The following NFIB variants were observed in gnomAD, a reference collection of about 807,000 sequenced individuals.
NFIB encodes nuclear factor I B.
Under a neutral mutation model 61.5 loss-of-function variants are expected in NFIB, and 11 were observed. The ratio of observed to expected loss-of-function variants is 0.18; its 90% CI spans 0.11 to 0.30. The LOEUF (loss-of-function observed/expected upper bound fraction) is 0.30. NFIB is among the 10% of genes least tolerant of loss of function. The probability of loss-of-function intolerance (pLI) is 1.00; values close to 1 mark genes in which losing one functional copy is unlikely to be tolerated. For synonymous variants in NFIB, 260 were observed against 216.5 expected, an observed-to-expected ratio of 1.20 and a Z score of -1.76; for missense variants, 471 against 608.9, an observed-to-expected ratio of 0.77 and a Z score of 2.38.
At chr9:14,289,309 A>G (rs539571129) in intron 2 of NFIB, among the ~76,000 whole-genome samples, 1 of 151,514 alleles carries the variant, frequency 6.6e-6, no homozygotes, top group Non-Finnish European at 1.5e-5. Flanking sequence ...TGAACTAAAG[A>G]ATCAACAAGC....
intron 2 of NFIB, among the ~76,000 whole-genome samples, chr9:14,279,621 C>T (rs1027936761): frequency 6.6e-6 from 1 of 152,158 alleles, no homozygotes; most frequent in African/African-American, 2.4e-5. Flanking sequence ...CAACTCAAAG[C>T]ACCTAAGATA....
chr9:14,446,193 T>G, the NFIB span, among the ~76,000 whole-genome samples: 1 of 152,212 alleles, frequency 6.6e-6, no homozygotes, highest in Non-Finnish European at 1.5e-5. Context: ...TGTTATGTTT[T>G]CAGTTTCACA....
chr9:14,200,828 G>C (rs192280211), intron 2 of NFIB, among the ~76,000 whole-genome samples: 1 of 152,096 alleles, frequency 6.6e-6, no homozygotes, highest in Admixed American at 6.5e-5. Flanking sequence ...CCCGTTTTTT[G>C]AGAACTCTGT....
intron 2 of NFIB, among the ~76,000 whole-genome samples, chr9:14,263,032 C>A (rs2056910780): frequency 6.6e-6 from 1 of 152,164 alleles, no homozygotes; most frequent in Admixed American, 6.5e-5. Context: ...GACATGATTT[C>A]TTTCCCAAGG....
At chr9:14,410,728 G>A in the NFIB span, among the ~76,000 whole-genome samples, 1 of 152,100 alleles carries the variant, frequency 6.6e-6, no homozygotes, top group Non-Finnish European at 1.5e-5. Flanking sequence ...CACTAGTTTT[G>A]ACACGAAACA....
At chr9:14,159,336 T>G (rs918727132) in intron 3 of NFIB, among the ~76,000 whole-genome samples, 3 of 152,146 alleles carry the variant, frequency 2.0e-5, no homozygotes, top group African/African-American at 7.2e-5. Flanking sequence ...ATGAAAAGCA[T>G]TGGAAATATA....
At chr9:14,499,877 C>T in the NFIB span, among the ~76,000 whole-genome samples, 1 of 152,296 alleles carries the variant, frequency 6.6e-6, no homozygotes, top group Non-Finnish European at 1.5e-5. Flanking sequence ...AGGCTGAAGG[C>T]AGTGTATTCA....
At chr9:14,117,127 A>G (rs2038260400) in intron 8 of NFIB, among the ~76,000 whole-genome samples, 1 of 152,228 alleles carries the variant, frequency 6.6e-6, no homozygotes, top group Non-Finnish European at 1.5e-5. Flanking sequence ...GAGGGGAAGC[A>G]GAGGACAAGC....
chr9:14,521,888 C>A, the NFIB span, among the ~76,000 whole-genome samples: 1,150 of 152,250 alleles, frequency 7.6e-3, 23 homozygotes, highest in African/African-American at 0.026. Flanking sequence ...AGTCCTATGG[C>A]CAGGAGTTTA....
intron 10 of NFIB, among the ~76,000 whole-genome samples, chr9:14,110,241 T>A (rs2037150589): frequency 6.6e-6 from 1 of 152,070 alleles, no homozygotes; most frequent in South Asian, 2.1e-4. Flanking sequence ...AACTCTAATT[T>A]ATGTAGGCTC....
chr9:14,494,281 G>C, the NFIB span, among the ~76,000 whole-genome samples: 83 of 152,304 alleles, frequency 5.4e-4, 1 homozygote, highest in Non-Finnish European at 1.1e-3. Flanking sequence ...TCTTATACTT[G>C]ATTCAACAGT....
intron 2 of NFIB, among the ~76,000 whole-genome samples, chr9:14,231,120 G>GA (rs1188458970): frequency 0.061 from 3,999 of 65,600 alleles, 288 homozygotes; most frequent in Non-Finnish European, 0.086. Context: ...TTTCCATGGG[G>GA]AAAAAAAAAA....
At chr9:14,244,555 C>G (rs377566454) in intron 2 of NFIB, among the ~76,000 whole-genome samples, 2 of 152,196 alleles carry the variant, frequency 1.3e-5, no homozygotes, top group East Asian at 1.9e-4. Flanking sequence ...TCTCCATAGA[C>G]AGATCCCCAC....
At chr9:14,531,798 C>T in the NFIB span, 5 of 151,598 alleles carry the variant, frequency 3.3e-5, no homozygotes, top group South Asian at 2.1e-4. Context: ...TGTGCAGAGG[C>T]ACCCCAGGGT....
chr9:14,489,267 T>G, the NFIB span, among the ~76,000 whole-genome samples: 1 of 152,180 alleles, frequency 6.6e-6, no homozygotes, highest in Admixed American at 6.5e-5. Flanking sequence ...TATAACAGAT[T>G]GATGGTGGAT....
intron 2 of NFIB, among the ~76,000 whole-genome samples, chr9:14,205,443 T>TAC (rs1563899457): frequency 6.6e-6 from 1 of 151,820 alleles, no homozygotes; most frequent in Non-Finnish European, 1.5e-5. Flanking sequence ...GTACGATATA[T>TAC]ACACAAGGTA....
chr9:14,147,337 A>G (rs1158657992), intron 5 of NFIB, among the ~76,000 whole-genome samples: 1 of 152,144 alleles, frequency 6.6e-6, no homozygotes, highest in African/African-American at 2.4e-5. Context: ...CAGTTTAATC[A>G]TCTGTAAATT....
At chr9:14,265,494 A>C (rs568418806) in intron 2 of NFIB, among the ~76,000 whole-genome samples, 194 of 152,342 alleles carry the variant, frequency 1.3e-3, no homozygotes, top group African/African-American at 4.5e-3. Flanking sequence ...GCCATCTATA[A>C]GCCAAGAGAA....
At chr9:14,317,034 A>C (rs2060559678), upstream of NFIB, 1 of 144,974 alleles carries the variant, frequency 6.9e-6, no homozygotes, top group Non-Finnish European at 1.5e-5. Flanking sequence ...TCACCACACC[A>C]CCCCCAGTGA....
Sources: allele counts gnomAD v4.1 joint callset (sites outside exome capture counted in the v4.1 genomes callset), GRCh38; gene constraint gnomAD v4.1.1; transcripts MANE v1.5; gene names NCBI Gene and HGNC (gene_info 2026-07-23, HGNC 2026-07-21).